The following PTCD2 variants were observed in gnomAD, a reference collection of about 807,000 sequenced individuals.
The protein encoded by PTCD2 is pentatricopeptide repeat domain 2.
A neutral mutation model predicts 42.6 loss-of-function variants in PTCD2; 31 were observed. That is an observed-to-expected ratio of 0.73 (90% CI 0.55 to 0.98). PTCD2 has a LOEUF of 0.98. Among genes scored for constraint, PTCD2 ranks in the 50% least tolerant of loss-of-function variants. PTCD2 has a pLI of 0.00. For missense variants in PTCD2, 476 were observed against 454.8 expected, an observed-to-expected ratio of 1.05 and a Z score of -0.42; for synonymous variants, 183 against 170.9, an observed-to-expected ratio of 1.07 and a Z score of -0.55.
chr5:72,327,764 G>T (rs1426319687), intron 3 of PTCD2, among the ~76,000 whole-genome samples: 1 of 152,030 alleles, frequency 6.6e-6, no homozygotes, highest in Non-Finnish European at 1.5e-5. Flanking sequence ...GAGCCACCAC[G>T]CCCAGCCCTC....
intron 5 of PTCD2, 123 bp from the exon 6 acceptor site, chr5:72,335,671 T>A: frequency 1.9e-6 from 1 of 527,606 alleles, no homozygotes; most frequent in Non-Finnish European, 3.4e-6. Context: ...CTAAATGACT[T>A]TGAGGAATAG....
rs1488590300 is a variant in PTCD2 at position 72,361,654 on chromosome 5, G to C, written c.*3227G>C. The C allele has an allele frequency of 1.3e-5, 2 of 152,204 alleles. No individual in the cohort carries two copies. Among genetic ancestry groups the C allele is most frequent in the Non-Finnish European group, 2.9e-5 (2 of 68,052 alleles). 9.4% of individuals were successfully genotyped at this position (152,204 alleles called of 1,614,324 possible). Reference sequence around the variant, plus strand: ...TCTGTGAAACTGTAGTAGATAGTCTGTTTTCTCCCCTGTTTAAAACCTCCT... The same window carrying C: ...TCTGTGAAACTGTAGTAGATAGTCTCTTTTCTCCCCTGTTTAAAACCTCCT... On this transcript the variant is annotated 3_prime_UTR_variant, in exon 10 of 10. Coordinates refer to ENST00000380639, the MANE Select transcript of PTCD2 (RefSeq NM_024754.5).
intron 9 of PTCD2, 69 bp from the exon 10 acceptor site, chr5:72,358,134 T>G: frequency 7.3e-7 from 1 of 1,366,192 alleles, no homozygotes; most frequent in Non-Finnish European, 1.0e-6. Flanking sequence ...TTTCTTTTTC[T>G]TAGGGTTATA....
chr5:72,357,576 G>GA (rs760306945), intron 9 of PTCD2, among the ~76,000 whole-genome samples: 11 of 152,036 alleles, frequency 7.2e-5, no homozygotes, highest in Admixed American at 4.6e-4. Context: ...ACTTATTGTG[G>GA]AATATATATA....
intron 7 of PTCD2, 126 bp downstream of exon 7, chr5:72,338,861 A>G: frequency 3.9e-6 from 2 of 512,584 alleles, no homozygotes; most frequent in Non-Finnish European, 7.0e-6. Context: ...AAAGAGACCA[A>G]TGCCTTTGTT....
At chr5:72,355,786 T>G (rs1202132460) in intron 9 of PTCD2, among the ~76,000 whole-genome samples, 1 of 152,218 alleles carries the variant, frequency 6.6e-6, no homozygotes, top group Non-Finnish European at 1.5e-5. Flanking sequence ...GTAATAATAC[T>G]GATATTGTCA....
At position 72,368,335 on chromosome 5, in the gene PTCD2, T is replaced by C. The variant is rs889891889; in HGVS notation, c.*9908T>C. Reference sequence around the variant, plus strand: ...AGAAGAGTTGGCAAGCAAGCTGGACTAAATGGGCCATGTGCAATTTTGCTG... The same window carrying C: ...AGAAGAGTTGGCAAGCAAGCTGGACCAAATGGGCCATGTGCAATTTTGCTG... On this transcript the variant is annotated 3_prime_UTR_variant, in exon 10 of 10. Coordinates refer to ENST00000380639, the MANE Select transcript of PTCD2 (RefSeq NM_024754.5). The C allele has an allele frequency of 2.6e-5, 4 of 152,216 alleles. No individual in the cohort carries two copies. Among genetic ancestry groups the C allele is most frequent in the African/African-American group, 9.6e-5 (4 of 41,466 alleles). The allele number at this position is 152,216 out of a possible 1,614,324, so 9.4% of individuals were successfully genotyped here.
chr5:72,327,188 C>T (rs1454815444), intron 3 of PTCD2, among the ~76,000 whole-genome samples: 1 of 152,210 alleles, frequency 6.6e-6, no homozygotes, highest in Non-Finnish European at 1.5e-5. Context: ...TCCCTCAGCT[C>T]TAGCCTTCCT....
intron 1 of PTCD2, chr5:72,320,740 T>A (rs923430403): frequency 1.6e-5 from 9 of 563,048 alleles, no homozygotes; most frequent in Non-Finnish European, 2.5e-5. Context: ...GGGGCTGTAG[T>A]GCTCCCTCAG....
chr5:72,335,995 G>A (rs1026390415), intron 6 of PTCD2, 110 bp downstream of exon 6: 11 of 610,292 alleles, frequency 1.8e-5, no homozygotes, highest in Non-Finnish European at 2.9e-5. Flanking sequence ...TTTTCCATCT[G>A]GTGCAAATGT....
intron 9 of PTCD2, 111 bp from the exon 10 acceptor site, chr5:72,358,092 C>A: frequency 1.0e-6 from 1 of 977,460 alleles, no homozygotes; most frequent in Non-Finnish European, 1.5e-6. Flanking sequence ...GGCCACCTCG[C>A]CTGGCCTACC....
At chr5:72,334,613 G>A (rs1248725993) in intron 4 of PTCD2, among the ~76,000 whole-genome samples, 1 of 151,734 alleles carries the variant, frequency 6.6e-6, no homozygotes, top group Admixed American at 6.6e-5. Context: ...GTGCAGTGGC[G>A]TGATCTCGGC....
intron 8 of PTCD2, 127 bp downstream of exon 8, chr5:72,343,163 T>G (rs1409509975): frequency 2.0e-5 from 9 of 439,932 alleles, no homozygotes; most frequent in Non-Finnish European, 3.5e-5. Context: ...TTCATTCAAA[T>G]CAATAGTCAT....
chr5:72,332,888 T>C (rs1328032676), intron 4 of PTCD2, among the ~76,000 whole-genome samples: 1 of 152,224 alleles, frequency 6.6e-6, no homozygotes. Flanking sequence ...TTTAATTACT[T>C]GTTATAAAAA....
At position 72,320,418 on chromosome 5, in the gene PTCD2, C is replaced by T. The variant is rs766854254; in HGVS notation, c.36C>T (p.Pro12=). The change falls in exon 1 of 10, where the codon CCC becomes CCT. Residue 12 remains proline (P), a synonymous_variant. Transcript: ENST00000380639. ...ACAGTATGGCTGCTGCATTTCGGCC[C>T]TCGAATCGAGTTCTCCTGCAGGCGC... The part of the protein sequence containing the change: ...VRDSMAAAFR[P]SNRVLLQALQ... 9.0e-5 allele frequency: 145 copies of T among 1,614,158 alleles called. 2 individuals carry two copies. The South Asian group carries it at 1.4e-3, about 16-fold the overall frequency.
intron 4 of PTCD2, among the ~76,000 whole-genome samples, chr5:72,334,642 C>G (rs1751633984): frequency 6.6e-6 from 1 of 152,124 alleles, no homozygotes; most frequent in South Asian, 2.1e-4. Context: ...GCCTCCACCT[C>G]CTGGGTTCAA....
intron 9 of PTCD2, among the ~76,000 whole-genome samples, chr5:72,357,173 G>A (rs1047264225): frequency 7.2e-5 from 11 of 152,062 alleles, no homozygotes; most frequent in South Asian, 2.1e-4. Context: ...GTTCACAGCC[G>A]TCTCAATCAG....
chr5:72,338,119 G>T, intron 6 of PTCD2, among the ~76,000 whole-genome samples: 2 of 152,150 alleles, frequency 1.3e-5, no homozygotes, highest in South Asian at 4.1e-4. Context: ...GACATTCTTG[G>T]ATTTTTTTTT....
At chr5:72,350,354 AGTTCCT>A (rs2112216810) in intron 8 of PTCD2, among the ~76,000 whole-genome samples, 1 of 152,348 alleles carries the variant, frequency 6.6e-6, no homozygotes, top group African/African-American at 2.4e-5. Context: ...CCTGAGCCCC[AGTTCCT>A]GTGGGGAGAC....
Sources: gnomAD v4.1 joint callset for allele counts (sites outside exome capture counted in the v4.1 genomes callset) on GRCh38, gnomAD v4.1.1 for gene constraint, MANE v1.5 for transcripts, NCBI Gene and HGNC (gene_info 2026-07-23, HGNC 2026-07-21) for gene names.